Variants in TAOK1 observed in about 807,000 individuals in gnomAD.
TAOK1 encodes serine/threonine-protein kinase TAO1.
A neutral mutation model predicts 138.3 loss-of-function variants in TAOK1; 21 were observed. The ratio of observed to expected loss-of-function variants is 0.15; its 90% CI spans 0.11 to 0.22. The LOEUF is 0.22. Ranked by LOEUF, TAOK1 falls within the 10% of genes least tolerant of loss-of-function variation. TAOK1 has a pLI of 1.00. For synonymous variants in TAOK1, 361 were observed against 398.4 expected (o/e 0.91, Z 1.12); for missense variants, 651 against 1,227.7 (o/e 0.53, Z 7.02).
At chr17:29,445,107 T>C (rs1178509691) in intron 1 of TAOK1, among the ~76,000 whole-genome samples, 1 of 152,222 alleles carries the variant, frequency 6.6e-6, no homozygotes, top group Non-Finnish European at 1.5e-5. Flanking sequence ...GCCTTCTTTA[T>C]AAATTTATTT....
At chr17:29,533,603 C>T (rs1262132300) in intron 18 of TAOK1, among the ~76,000 whole-genome samples, 1 of 151,950 alleles carries the variant, frequency 6.6e-6, no homozygotes, top group African/African-American at 2.4e-5. Context: ...CCTCGGGAGG[C>T]GGAGGCTGGC....
rs3058623 is a variant in TAOK1 at position 29,465,837 on chromosome 17, C to CTTTTTTTTTTTTTTTTTTTTTTT, written c.133-1303_133-1281dup. 5.1e-4 allele frequency among the ~76,000 whole-genome samples: 23 copies of CTTTTTTTTTTTTTTTTTTTTTTT among 45,450 alleles called. 10 individuals are homozygous for CTTTTTTTTTTTTTTTTTTTTTTT. The highest frequency in any genetic ancestry group is 2.4e-3 in the African/African-American group (21 of 8,722). 29.8% of individuals were successfully genotyped at this position (45,450 alleles called of 152,430 possible). A position where few individuals can be genotyped will look rare whatever the true frequency, so the allele number is the denominator to read the frequency against. On this transcript the variant is annotated intron_variant, in intron 2 of 19. Transcript: ENST00000261716. The stretch of plus-strand genomic sequence containing the variant: ...AAGAGTTAACTGTCAAGTTTCTGTG[C>CTTTTTTTTTTTTTTTTTTTTTTT]TTTTTTTTTTTTTTTTTTTTTTTTT...
chr17:29,462,582 A>C (rs530927654), intron 2 of TAOK1, among the ~76,000 whole-genome samples: 2 of 152,290 alleles, frequency 1.3e-5, no homozygotes, highest in Admixed American at 1.3e-4. Context: ...TTCCTAGTAT[A>C]AGATTTTACT....
chr17:29,479,557 A>C (rs577904146), intron 6 of TAOK1, among the ~76,000 whole-genome samples: 1 of 152,166 alleles, frequency 6.6e-6, no homozygotes, highest in Non-Finnish European at 1.5e-5. Context: ...TGGAATTTCA[A>C]CCTAAGGTTT....
chr17:29,508,044 T>G lies in TAOK1; in HGVS notation c.1487T>G (p.Leu496Ter), dbSNP rs770313961. The G allele has an allele frequency of 6.2e-7, 1 of 1,614,140 alleles. No homozygotes were observed. The highest frequency in any genetic ancestry group is 8.5e-7 in the Non-Finnish European group (1 of 1,179,992). ...GAGATGGATGAACATCGCCTCAGAT[T>G]AGACAAAGATCTTGAAACTCAGCGT... The part of the protein sequence containing the change: ...KAEMDEHRLR[L>*]DKDLETQRNN... Residue 496 changes from leucine (L) to a stop codon, truncating the protein, a stop_gained, in exon 14 of 20, where the codon TTA becomes TGA. Coordinates refer to ENST00000261716, the MANE Select transcript of TAOK1 (RefSeq NM_020791.4). LOFTEE classifies it high-confidence loss of function.
rs539915865 is a variant in TAOK1, at chr17:29,548,048, G to T, written c.*5026G>T. 6.6e-6 allele frequency: 1 copy of T among 152,252 alleles called. No individual in the cohort carries two copies. Among genetic ancestry groups the T allele is most frequent in the South Asian group, 2.1e-4 (1 of 4,822 alleles). 9.4% of individuals were successfully genotyped at this position (152,252 alleles called of 1,614,324 possible). On this transcript the variant is annotated 3_prime_UTR_variant, in exon 20 of 20. Coordinates refer to ENST00000261716, the MANE Select transcript of TAOK1 (RefSeq NM_020791.4). ...GTCTAGAAAAAGAAAGTGAAGCTGA[G>T]AACTCTTCCTTTATTGTGCATTTAT...
chr17:29,403,160 CAAAA>C (rs34253777), intron 1 of TAOK1, among the ~76,000 whole-genome samples: 3 of 60,040 alleles, frequency 5.0e-5, no homozygotes, highest in Non-Finnish European at 6.5e-5. Flanking sequence ...GATTTTGTCT[CAAAA>C]AAAAAAAAAA....
At chr17:29,467,833 A>AT (rs891496212) in intron 3 of TAOK1, among the ~76,000 whole-genome samples, 23 of 147,304 alleles carry the variant, frequency 1.6e-4, no homozygotes, top group African/African-American at 4.8e-4. Context: ...ATTTATTTTT[A>AT]TTTTTTTTTA....
Position 29,480,351 on chromosome 17 carries a change from G to C in TAOK1, c.450-17G>C, listed in dbSNP as rs767157503. ...TTGAGGGAAAGTTAAGTAATTTTCT[G>C]TATTCCCTAAACCTAGAGATATCAA... On this transcript the variant is annotated splice_polypyrimidine_tract_variant and intron_variant, in intron 6 of 19. Coordinates refer to ENST00000261716, the MANE Select transcript of TAOK1 (RefSeq NM_020791.4). 7 of 1,572,120 alleles carry C rather than the reference G, an allele frequency of 4.5e-6. No homozygotes were observed. In the South Asian group the frequency reaches 7.9e-5, roughly 18 times the overall value.
At chr17:29,519,197 A>G (rs946535947) in intron 16 of TAOK1, among the ~76,000 whole-genome samples, 6 of 152,158 alleles carry the variant, frequency 3.9e-5, no homozygotes, top group Admixed American at 6.6e-5. Context: ...AATGTTGTAG[A>G]AACTCTTCTG....
At chr17:29,497,366 C>T (rs1854077812) in intron 11 of TAOK1, among the ~76,000 whole-genome samples, 1 of 152,026 alleles carries the variant, frequency 6.6e-6, no homozygotes, top group African/African-American at 2.4e-5. Context: ...GGGATGATTT[C>T]AGATATGTGA....
intron 1 of TAOK1, among the ~76,000 whole-genome samples, chr17:29,430,269 C>T (rs1905782931): frequency 6.6e-6 from 1 of 152,092 alleles, no homozygotes; most frequent in Non-Finnish European, 1.5e-5. Flanking sequence ...GGTGTAGAAT[C>T]TTCTTGGGTT....
intron 8 of TAOK1, among the ~76,000 whole-genome samples, chr17:29,482,946 C>T (rs2031093696): frequency 6.6e-6 from 1 of 152,138 alleles, no homozygotes; most frequent in Admixed American, 6.6e-5. Flanking sequence ...ATCATAACTT[C>T]TGTGAGCCAA....
chr17:29,549,359 A>G lies in TAOK1; in HGVS notation c.*6337A>G, dbSNP rs1319545129. The G allele has an allele frequency of 1.3e-5, 2 of 152,210 alleles. No homozygotes were observed. Among genetic ancestry groups the G allele is most frequent in the Non-Finnish European group, 2.9e-5 (2 of 68,026 alleles). 9.4% of individuals were successfully genotyped at this position (152,210 alleles called of 1,614,324 possible). A position where few individuals can be genotyped will look rare whatever the true frequency, so the allele number is the denominator to read the frequency against. On this transcript the variant is annotated 3_prime_UTR_variant, in exon 20 of 20. Coordinates refer to ENST00000261716, the MANE Select transcript of TAOK1 (RefSeq NM_020791.4). ...TCAGTACTCGTGTTAATATGTTTCT[A>G]TGGCAACTCTGAGGTCAGTGGTTTA...
chr17:29,391,455 A>G (rs950004040), intron 1 of TAOK1, among the ~76,000 whole-genome samples: 9 of 152,038 alleles, frequency 5.9e-5, no homozygotes, highest in Admixed American at 2.6e-4. Flanking sequence ...CAGGAAATCT[A>G]TACCCCTCTT....
intron 19 of TAOK1, among the ~76,000 whole-genome samples, chr17:29,540,025 GT>G: frequency 6.6e-6 from 1 of 152,290 alleles, no homozygotes; most frequent in Non-Finnish European, 1.5e-5. Context: ...GGTATAAAGA[GT>G]GCTTTCTGAA....
chr17:29,537,506 ATTTTTT>A (rs35498725), intron 19 of TAOK1, among the ~76,000 whole-genome samples: 2 of 123,340 alleles, frequency 1.6e-5, no homozygotes, highest in Non-Finnish European at 3.5e-5. Flanking sequence ...ATGACCACTG[ATTTTTT>A]TTTTTTTTTT....
At chr17:29,489,800 G>T in intron 9 of TAOK1, 43 bp downstream of exon 9, 1 of 1,371,014 alleles carries the variant, frequency 7.3e-7, no homozygotes, top group South Asian at 1.4e-5. Context: ...TTGAATAAAT[G>T]AAATGCTTTT....
chr17:29,398,257 G>GAGT (rs1904724881), intron 1 of TAOK1, among the ~76,000 whole-genome samples: 1 of 152,032 alleles, frequency 6.6e-6, no homozygotes, highest in Admixed American at 6.6e-5. Context: ...GCCCAGGCTG[G>GAGT]AGTGCAATGG....
Sources: allele counts gnomAD v4.1 joint callset (sites outside exome capture counted in the v4.1 genomes callset), GRCh38; gene constraint gnomAD v4.1.1; transcripts MANE v1.5; gene names NCBI Gene and HGNC (gene_info 2026-07-23, HGNC 2026-07-21).